Variants in ADRM1 observed in about 807,000 individuals in gnomAD.
ADRM1 encodes the protein ADRM1 26S proteasome ubiquitin receptor.
A neutral mutation model predicts 40.1 loss-of-function variants in ADRM1; 2 were observed. The ratio of observed to expected loss-of-function variants is 0.05; its 90% confidence interval spans 0.02 to 0.16. The LOEUF is 0.16. ADRM1 is among the 10% of genes least tolerant of loss of function. The probability of loss-of-function intolerance (pLI) is 1.00; values close to 1 mark genes in which losing one functional copy is unlikely to be tolerated. For missense variants in ADRM1, 467 were observed against 552.5 expected, an observed-to-expected ratio of 0.85 and a Z score of 1.55; for synonymous variants, 287 against 240.4, an observed-to-expected ratio of 1.19 and a Z score of -1.79.
In ADRM1 at chr20:62,306,208, A is replaced by G; in HGVS notation, c.342A>G (p.Thr114=). 6.2e-7 allele frequency: 1 copy of G among 1,612,842 alleles called. No individual in the cohort carries two copies. Among genetic ancestry groups the G allele is most frequent in the Non-Finnish European group, 8.5e-7 (1 of 1,179,634 alleles). ...RLFFWMQEPK[T]DQDEEHCRKV... The stretch of plus-strand genomic sequence containing the variant: ...CCTTCCTCTTGCAGGAACCCAAGAC[A>G]GACCAGGATGAGGAGCATTGCCGGA... The change falls in exon 4 of 10, where the codon ACA becomes ACG. Residue 114 remains threonine (T), a synonymous_variant. Coordinates refer to ENST00000253003, the MANE Select transcript of ADRM1 (RefSeq NM_007002.4).
rs1370773019 is a variant in ADRM1 at position 62,308,407 on chromosome 20, C to T, written c.1054C>T (p.Leu352=). Reference sequence around the variant, plus strand: ...CAGCGCAGCCTTGGCCTCGGGGCAGCTGGGCCCCCTCATGTGCCAGTTCGG... The same window carrying T: ...CAGCGCAGCCTTGGCCTCGGGGCAGTTGGGCCCCCTCATGTGCCAGTTCGG... ...MFSAALASGQ[L]GPLMCQFGLP... Residue 352 remains leucine, a synonymous_variant, in exon 9 of 10, where the codon CTG becomes TTG. Transcript: ENST00000253003. 6.2e-7 allele frequency: 1 copy of T among 1,609,472 alleles called. No individual in the cohort carries two copies.
chr20:62,307,991 C>G lies in ADRM1; in HGVS notation c.857-30C>G, dbSNP rs144492860. On this transcript the variant is annotated intron_variant, in intron 7 of 9. Transcript: ENST00000253003. ...TCCATGTGGGCACTTAGGCTGTCATCGAGCTGATGGCCGTGTTCTTGTGCC... is the reference window on the plus strand; with the variant it reads ...TCCATGTGGGCACTTAGGCTGTCATGGAGCTGATGGCCGTGTTCTTGTGCC... 3 of 1,596,994 alleles carry G rather than the reference C, an allele frequency of 1.9e-6. No homozygotes were observed. The South Asian group carries it at 3.3e-5, about 18-fold the overall frequency.
chr20:62,307,513 T>G, intron 6 of ADRM1, 61 bp downstream of exon 6: 3 of 1,599,312 alleles, frequency 1.9e-6, no homozygotes, highest in Non-Finnish European at 2.6e-6. Context: ...CAGTGGGGAA[T>G]CCTGGCCCAG....
intron 2 of ADRM1, 23 bp from the exon 3 acceptor site, chr20:62,304,438 T>C (rs1399006320): frequency 4.4e-6 from 7 of 1,600,142 alleles, no homozygotes; most frequent in Non-Finnish European, 6.0e-6. Flanking sequence ...CGCCACTGAC[T>C]CTCTCTTCCC....
At chr20:62,305,998 G>T in intron 3 of ADRM1, 199 bp from the exon 4 acceptor site, 1 of 626,478 alleles carries the variant, frequency 1.6e-6, no homozygotes. Context: ...GGGACAGGGC[G>T]CAGAGCATCG....
chr20:62,308,133 C>A lies in ADRM1; in HGVS notation c.969C>A (p.Thr323=), dbSNP rs759525992. ...YLPSGESLPQ[T]ADEIQNTLTS... ...CATCTGGGGAGTCGCTGCCGCAGAC[C>A]GCGGATGAGATCCAGAATACCCTGA... Residue 323 remains threonine, a synonymous_variant, in exon 8 of 10, where the codon ACC becomes ACA. Transcript: ENST00000253003. 1.2e-6 allele frequency: 2 copies of A among 1,609,372 alleles called. No homozygotes were observed. The highest frequency in any genetic ancestry group is 1.7e-5 in the Admixed American group (1 of 59,976).
intron 9 of ADRM1, 84 bp downstream of exon 9, chr20:62,308,554 AG>A (rs1985523526): frequency 3.2e-6 from 5 of 1,558,058 alleles, no homozygotes; most frequent in Non-Finnish European, 4.4e-6. Flanking sequence ...AGTGGGGCTG[AG>A]GGGGTAAAGG....
rs148577549 is a variant in ADRM1 at position 62,307,843 on chromosome 20, C to T, written c.856+15C>T. ...CGGCCAGCAAGGTAACGTGTGCTGTCGCCTGGAGCTGGGTGGGGGGCATGG... is the reference window on the plus strand; with the variant it reads ...CGGCCAGCAAGGTAACGTGTGCTGTTGCCTGGAGCTGGGTGGGGGGCATGG... On this transcript the variant is annotated intron_variant, in intron 7 of 9. Coordinates refer to ENST00000253003, the MANE Select transcript of ADRM1 (RefSeq NM_007002.4). The T allele has an allele frequency of 1.4e-3, 2,238 of 1,588,378 alleles. 15 individuals are homozygous for T. The highest frequency in any genetic ancestry group is 0.012 in the African/African-American group (926 of 74,484).
chr20:62,306,170 T>C, intron 3 of ADRM1, 27 bp from the exon 4 acceptor site: 9 of 1,599,122 alleles, frequency 5.6e-6, no homozygotes, highest in Non-Finnish European at 7.7e-6. Context: ...CGCCAGCTCC[T>C]GCCCTTACAT....
chr20:62,306,588 G>A lies in ADRM1; in HGVS notation c.455-60G>A, dbSNP rs181419355. ...GGTGCTCAGCAGAGGCGCAGGCAGT[G>A]CGGTGGGGCCCGCGTGGATCTGGCT... On this transcript the variant is annotated intron_variant, in intron 4 of 9. Transcript: ENST00000253003. 8,087 of 1,511,168 alleles carry A rather than the reference G, an allele frequency of 5.4e-3. 45 individuals carry two copies. The highest frequency in any genetic ancestry group is 6.3e-3 in the Non-Finnish European group (6,983 of 1,112,212). The allele number at this position is 1,511,168 out of a possible 1,614,324, so 93.6% of individuals were successfully genotyped here. A position where few individuals can be genotyped will look rare whatever the true frequency, so the allele number is the denominator to read the frequency against.
At chr20:62,307,857 TG>T in intron 7 of ADRM1, 29 bp downstream of exon 7, 3 of 1,575,602 alleles carry the variant, frequency 1.9e-6, no homozygotes, top group Non-Finnish European at 1.7e-6. Flanking sequence ...TGGAGCTGGG[TG>T]GGGGGCATGG....
Position 62,306,631 on chromosome 20 carries a change from G to T in ADRM1, c.455-17G>T, listed in dbSNP as rs774781664. The T allele has an allele frequency of 6.3e-7, 1 of 1,598,460 alleles. No homozygotes were observed. Reference sequence around the variant, plus strand: ...ATCTGGCTGGGGCAGGCCCGCCTGAGCTGCAGTGTTTTCCAGGTGAGGGTG... The same window carrying T: ...ATCTGGCTGGGGCAGGCCCGCCTGATCTGCAGTGTTTTCCAGGTGAGGGTG... On this transcript the variant is annotated splice_polypyrimidine_tract_variant and intron_variant, in intron 4 of 9. Transcript: ENST00000253003.
intron 5 of ADRM1, 64 bp downstream of exon 5, chr20:62,306,798 GTTTCC>G: frequency 7.0e-7 from 1 of 1,429,068 alleles, no homozygotes; most frequent in Non-Finnish European, 9.5e-7. Context: ...CCCGGTCTCT[GTTTCC>G]TTTAAACTTC....
Position 62,307,733 on chromosome 20 carries a change from C to T in ADRM1, c.761C>T (p.Thr254Ile), listed in dbSNP as rs553787199. 9.3e-6 allele frequency: 15 copies of T among 1,611,986 alleles called. No homozygotes were observed. The highest frequency in any genetic ancestry group is 3.3e-4 in the Middle Eastern group (2 of 6,058). ...PAPSSGNGAS[T>I]AASPTQPIQL... ...CCCAGTTCCGGGAATGGAGCCAGCA[C>T]AGCAGCCAGCCCGACCCAGCCCATC... The change falls in exon 7 of 10, where the codon ACA becomes ATA. Residue 254 changes from threonine (T) to isoleucine (I), a missense_variant. By Grantham distance (89) the Thr-to-Ile change is moderately conservative. Transcript: ENST00000253003.
intron 5 of ADRM1, 106 bp from the exon 6 acceptor site, chr20:62,307,265 C>G (rs779725978): frequency 2.6e-6 from 3 of 1,163,086 alleles, no homozygotes; most frequent in Admixed American, 5.7e-5. Context: ...CCGCTTCTTC[C>G]TGGCTTTGGT....
At chr20:62,304,429 G>A in intron 2 of ADRM1, 32 bp from the exon 3 acceptor site, 2 of 1,573,310 alleles carry the variant, frequency 1.3e-6, no homozygotes, top group Non-Finnish European at 1.7e-6. Flanking sequence ...TGCCATCTGC[G>A]CCACTGACTC....
Position 62,303,616 on chromosome 20 carries a change from G to T in ADRM1, c.48G>T (p.Arg16=). The T allele has an allele frequency of 6.2e-7, 1 of 1,606,164 alleles. No homozygotes were observed. The stretch of plus-strand genomic sequence containing the variant: ...TTCCAAGCCTGGTGCCAGGCTCTCG[G>T]GGCGCCTCCAACAAGTACTTGGTGG... ...ALFPSLVPGS[R]GASNKYLVEF... Residue 16 remains arginine, a synonymous_variant, in exon 2 of 10, where the codon CGG becomes CGT. Transcript: ENST00000253003.
intron 2 of ADRM1, 50 bp downstream of exon 2, chr20:62,303,831 C>T (rs1251368885): frequency 2.5e-6 from 4 of 1,575,694 alleles, no homozygotes; most frequent in South Asian, 2.2e-5. Flanking sequence ...CTCGGGCCCT[C>T]GGAGTCCTCG....
chr20:62,302,912 C>A (rs1984307414), upstream of ADRM1: 1 of 152,120 alleles, frequency 6.6e-6, no homozygotes, highest in African/African-American at 2.4e-5. Context: ...GCCGGCTGCG[C>A]GGCTTACGGG....
Sources: allele counts gnomAD v4.1 joint callset, GRCh38; gene constraint gnomAD v4.1.1; transcripts MANE v1.5; gene names NCBI Gene and HGNC (gene_info 2026-07-23, HGNC 2026-07-21).